Variants in TCERG1L observed in about 807,000 individuals in gnomAD.
TCERG1L encodes transcription elongation regulator 1-like protein.
In TCERG1L, 37 loss-of-function variants were observed where a neutral mutation model predicts 56.3. The ratio of observed to expected loss-of-function variants is 0.66; its 90% CI spans 0.51 to 0.87. The LOEUF is 0.87. Among genes scored for constraint, TCERG1L ranks in the 40% least tolerant of loss-of-function variants. TCERG1L has a pLI of 0.00. For synonymous variants in TCERG1L, 324 were observed against 326.3 expected (o/e 0.99, Z 0.08); for missense variants, 799 against 774.2 (o/e 1.03, Z -0.38).
At chr10:131,094,247 C>T (rs1012163675) in intron 11 of TCERG1L, among the ~76,000 whole-genome samples, 16 of 152,236 alleles carry the variant, frequency 1.1e-4, no homozygotes, top group African/African-American at 3.4e-4. Context: ...CAGATGCACT[C>T]GCTTGTCCAG....
intron 7 of TCERG1L, among the ~76,000 whole-genome samples, chr10:131,144,284 A>G (rs2133412819): frequency 6.6e-6 from 1 of 152,144 alleles, no homozygotes; most frequent in East Asian, 1.9e-4. Context: ...GAAAAACAAA[A>G]CTCTCCACTC....
At chr10:131,269,256 G>A (rs566462986) in intron 3 of TCERG1L, among the ~76,000 whole-genome samples, 6 of 152,070 alleles carry the variant, frequency 3.9e-5, no homozygotes, top group South Asian at 4.2e-4. Flanking sequence ...GCATGATCTC[G>A]GCTCACTGCA....
Position 131,111,506 on chromosome 10 carries a change from T to A in TCERG1L, c.1395+5293A>T, listed in dbSNP as rs540156851. Among the ~76,000 whole-genome samples the A allele has an allele frequency of 6.2e-4, 89 of 143,330 alleles. 13 individuals carry two copies. The highest frequency in any genetic ancestry group is 1.2e-3 in the Admixed American group (18 of 14,572). The allele number at this position is 143,330 out of a possible 152,430, so 94.0% of individuals were successfully genotyped here. ...TCCTTGTACCTTAAAATGGCCATAATAGACCGGGAGCATGAAGTGTTAATC... is the reference window on the plus strand; with the variant it reads ...TCCTTGTACCTTAAAATGGCCATAAAAGACCGGGAGCATGAAGTGTTAATC... On this transcript the variant is annotated intron_variant, in intron 9 of 11. Coordinates refer to ENST00000368642, the MANE Select transcript of TCERG1L (RefSeq NM_174937.4).
rs544434995 is a variant in TCERG1L, at chr10:131,199,586, C to T, written c.857-32701G>A. On this transcript the variant is annotated intron_variant, in intron 4 of 11. Transcript: ENST00000368642. ...CTTTTTATCTGAGGAATGCAAGCCCCTTTAAAGTAACAGGCCTGTTAAATG... is the reference window on the plus strand; with the variant it reads ...CTTTTTATCTGAGGAATGCAAGCCCTTTTAAAGTAACAGGCCTGTTAAATG... Among the ~76,000 whole-genome samples, 9 of 152,290 alleles carry T rather than the reference C, an allele frequency of 5.9e-5. No individual in the cohort carries two copies. The South Asian group carries it at 1.7e-3, about 28-fold the overall frequency.
intron 3 of TCERG1L, among the ~76,000 whole-genome samples, chr10:131,297,402 CAA>C (rs1285550876): frequency 6.6e-6 from 1 of 151,466 alleles, no homozygotes; most frequent in Non-Finnish European, 1.5e-5. Flanking sequence ...CATTGGATTT[CAA>C]AAAAATAAAA....
At chr10:131,309,093 G>C in intron 2 of TCERG1L, 60 bp downstream of exon 2, 1 of 1,558,024 alleles carries the variant, frequency 6.4e-7, no homozygotes, top group South Asian at 1.2e-5. Context: ...TTGTTATGTC[G>C]ATGTTCGACA....
intron 4 of TCERG1L, among the ~76,000 whole-genome samples, chr10:131,223,215 C>T (rs980835314): frequency 3.9e-5 from 6 of 152,216 alleles, no homozygotes; most frequent in African/African-American, 1.4e-4. Context: ...ACTGTGCAGC[C>T]TTGGGACCCC....
intron 4 of TCERG1L, among the ~76,000 whole-genome samples, chr10:131,225,173 T>C (rs1269386177): frequency 2.0e-5 from 3 of 152,208 alleles, no homozygotes; most frequent in Non-Finnish European, 4.4e-5. Flanking sequence ...TCATGCACTG[T>C]ATTAGTTTAT....
intron 4 of TCERG1L, among the ~76,000 whole-genome samples, chr10:131,199,838 CCTCGTT>C: frequency 6.6e-6 from 1 of 152,308 alleles, no homozygotes; most frequent in South Asian, 2.1e-4. Flanking sequence ...AGCAGCCACC[CCTCGTT>C]CTCTTTCGCC....
rs111343891 is a variant in TCERG1L, at chr10:131,134,264, C to T, written c.1259+115G>A. 1.8e-4 allele frequency: 163 copies of T among 919,398 alleles called. 1 individual carries two copies. In the African/African-American group the frequency reaches 2.1e-3, roughly 12 times the overall value. The allele number at this position is 919,398 out of a possible 1,614,324, so 57.0% of individuals were successfully genotyped here. ...CTGAAACCTCTTACCATCTGTCTAG[C>T]GGTTGAATTAGCTCTTTGCTCATAG... On this transcript the variant is annotated intron_variant, in intron 8 of 11. Coordinates refer to ENST00000368642, the MANE Select transcript of TCERG1L (RefSeq NM_174937.4).
intron 4 of TCERG1L, among the ~76,000 whole-genome samples, chr10:131,215,269 G>A (rs141395033): frequency 3.8e-4 from 58 of 152,306 alleles, no homozygotes; most frequent in African/African-American, 1.2e-3. Flanking sequence ...CGCCCCACAG[G>A]GAGCCAGAAA....
chr10:131,310,470 A>T (rs1846874682), intron 1 of TCERG1L, among the ~76,000 whole-genome samples: 1 of 152,254 alleles, frequency 6.6e-6, no homozygotes, highest in Admixed American at 6.5e-5. Context: ...GTATTCTAAC[A>T]TAACACCCGT....
In TCERG1L at chr10:131,260,203, G is replaced by A. The variant is rs1395513197; in HGVS notation, c.856+56C>T. On this transcript the variant is annotated intron_variant, in intron 4 of 11. Transcript: ENST00000368642. The surrounding 1 kb of genome is among the most constrained non-coding windows in gnomAD (Gnocchi z 5.8). ...CAGGCCAGGGGCATCTAACCAGGAAGCCTCCGCGCGCTCGCTAAGGCAGCA... is the reference window on the plus strand; with the variant it reads ...CAGGCCAGGGGCATCTAACCAGGAAACCTCCGCGCGCTCGCTAAGGCAGCA... The A allele has an allele frequency of 7.0e-6, 9 of 1,290,188 alleles. No individual in the cohort carries two copies. In the African/African-American group the frequency reaches 1.4e-4, roughly 20 times the overall value. The allele number at this position is 1,290,188 out of a possible 1,614,324, so 79.9% of individuals were successfully genotyped here.
At chr10:131,144,424 G>T (rs542456838) in intron 7 of TCERG1L, among the ~76,000 whole-genome samples, 1 of 152,124 alleles carries the variant, frequency 6.6e-6, no homozygotes, top group South Asian at 2.1e-4. Context: ...CCCCGATCAC[G>T]AATTAACCCT....
chr10:131,202,243 G>A (rs78419329), intron 4 of TCERG1L, among the ~76,000 whole-genome samples: 9,456 of 152,250 alleles, frequency 0.062, 448 homozygotes, highest in East Asian at 0.17. Flanking sequence ...AAGCAAGTAG[G>A]TATGCGCATG....
chr10:131,191,937 C>T (rs2133463489), intron 4 of TCERG1L, among the ~76,000 whole-genome samples: 1 of 130,056 alleles, frequency 7.7e-6, no homozygotes, highest in South Asian at 2.5e-4. Flanking sequence ...GAAGACAACA[C>T]TGGAAAAACT....
In TCERG1L at chr10:131,093,270, G is replaced by T; in HGVS notation, c.1653C>A (p.Phe551Leu). The T allele has an allele frequency of 6.2e-7, 1 of 1,613,928 alleles. No homozygotes were observed. The highest frequency in any genetic ancestry group is 8.5e-7 in the Non-Finnish European group (1 of 1,179,842). The part of the protein sequence containing the change: ...FAEKYGRDQR[F>L]RLVQKRKDQE... ...GGTCCTTTCTTTTTTGAACAAGTCG[G>T]AACCTCTGATCCCGGCCGTATTTCT... Residue 551 changes from phenylalanine (F) to leucine (L), a missense_variant, in exon 12 of 12, where the codon TTC (phenylalanine) becomes TTA (leucine). Phe to Leu is a conservative substitution (Grantham distance 22). Transcript: ENST00000368642.
chr10:131,278,356 G>A (rs1472736377), intron 3 of TCERG1L, among the ~76,000 whole-genome samples: 3 of 51,070 alleles, frequency 5.9e-5, no homozygotes, highest in African/African-American at 2.3e-4. Flanking sequence ...TTTTTTTTTT[G>A]AGACAGAGTC....
At chr10:131,180,124 G>A (rs1845154973) in intron 4 of TCERG1L, among the ~76,000 whole-genome samples, 1 of 152,208 alleles carries the variant, frequency 6.6e-6, no homozygotes, top group African/African-American at 2.4e-5. Context: ...CAGCTCAGAG[G>A]GGAGAGAGGC....
Sources: allele counts gnomAD v4.1 joint callset (sites outside exome capture counted in the v4.1 genomes callset), GRCh38; gene constraint gnomAD v4.1.1; non-coding constraint Gnocchi (gnomAD v3.1); transcripts MANE v1.5; gene names NCBI Gene and HGNC (gene_info 2026-07-23, HGNC 2026-07-21).